The following PDE4D variants were observed in gnomAD, a reference collection of about 807,000 sequenced individuals.
PDE4D encodes the protein phosphodiesterase 4D.
Under a neutral mutation model 87.4 loss-of-function variants are expected in PDE4D, and 24 were observed. The ratio of observed to expected loss-of-function variants is 0.27; its 90% CI spans 0.20 to 0.39. The LOEUF is 0.39. Among genes scored for constraint, PDE4D ranks in the 10% least tolerant of loss-of-function variants. The pLI is 1.00. For missense variants in PDE4D, 714 were observed against 1,041.0 expected (o/e 0.69, Z 4.32); for synonymous variants, 384 against 383.2 (o/e 1.00, Z -0.02).
intron 1 of PDE4D, among the ~76,000 whole-genome samples, chr5:59,475,103 C>T (rs1266249206): frequency 6.6e-6 from 1 of 152,034 alleles, no homozygotes; most frequent in Non-Finnish European, 1.5e-5. Context: ...GTGTGGTCTC[C>T]TTCCTAGATA....
intron 1 of PDE4D, among the ~76,000 whole-genome samples, chr5:59,435,964 T>TTGGAGATG (rs1448714417): frequency 8.3e-4 from 126 of 152,302 alleles, no homozygotes; most frequent in African/African-American, 2.9e-3. Context: ...ATTAGAGGTG[T>TTGGAGATG]TGGAGATGTG....
chr5:59,914,123 T>C (rs935810285), intron 3 of PDE4D, among the ~76,000 whole-genome samples: 1 of 152,214 alleles, frequency 6.6e-6, no homozygotes, highest in Admixed American at 6.5e-5. Flanking sequence ...ATATAACTTA[T>C]TTATTTAATA....
chr5:59,380,150 C>A (rs1371321208), intron 1 of PDE4D, among the ~76,000 whole-genome samples: 2 of 152,044 alleles, frequency 1.3e-5, no homozygotes, highest in Non-Finnish European at 2.9e-5. Flanking sequence ...CAGATGACAT[C>A]TGTCAATATA....
chr5:60,330,194 AG>A (rs1757193471), intron 1 of PDE4D, among the ~76,000 whole-genome samples: 1 of 150,280 alleles, frequency 6.7e-6, no homozygotes, highest in African/African-American at 2.5e-5. Flanking sequence ...TTGAAAAAGT[AG>A]TTAATGACTC....
At chr5:60,108,433 C>T (rs10064969) in intron 2 of PDE4D, among the ~76,000 whole-genome samples, 1 of 152,134 alleles carries the variant, frequency 6.6e-6, no homozygotes, top group Non-Finnish European at 1.5e-5. Context: ...GGCCATACTG[C>T]CCAAGGTAAT....
intron 1 of PDE4D, among the ~76,000 whole-genome samples, chr5:60,390,667 A>C (rs1762500826): frequency 6.6e-6 from 1 of 151,694 alleles, no homozygotes; most frequent in Non-Finnish European, 1.5e-5. Context: ...AAAAAACAAG[A>C]ACCACCAGCT....
At chr5:59,950,282 G>A (rs1758158706) in intron 3 of PDE4D, among the ~76,000 whole-genome samples, 1 of 152,084 alleles carries the variant, frequency 6.6e-6, no homozygotes, top group Non-Finnish European at 1.5e-5. Context: ...CCAGTAGCTA[G>A]GTAGTTAGCT....
intron 1 of PDE4D, among the ~76,000 whole-genome samples, chr5:59,787,293 C>G (rs933140486): frequency 6.6e-6 from 1 of 152,196 alleles, no homozygotes; most frequent in African/African-American, 2.4e-5. Context: ...TCTGGAGCTA[C>G]AGAAATTTAG....
rs1189326497 is a variant in PDE4D at position 59,797,805 on chromosome 5, C to CATT, written c.455+95360_455+95362dup. ...CCTAGAAGAGTGCATGGACACTTTTCATTATTATTATTATTATTTACTAGA... is the reference window on the plus strand; with the variant it reads ...CCTAGAAGAGTGCATGGACACTTTTCATTATTATTATTATTATTATTTACTAGA... On this transcript the variant is annotated intron_variant, in intron 1 of 14. Transcript: ENST00000340635. Among the ~76,000 whole-genome samples, 14 of 152,012 alleles carry CATT rather than the reference C, an allele frequency of 9.2e-5. No individual in the cohort carries two copies. In the East Asian group the frequency reaches 1.2e-3, roughly 13 times the overall value.
chr5:59,630,964 A>G (rs1003624239), intron 1 of PDE4D, among the ~76,000 whole-genome samples: 1 of 151,990 alleles, frequency 6.6e-6, no homozygotes, highest in Non-Finnish European at 1.5e-5. Context: ...TATGTCTCAT[A>G]TTTGTGGAAG....
At chr5:60,428,848 T>C (rs1743946247) in intron 1 of PDE4D, among the ~76,000 whole-genome samples, 1 of 152,182 alleles carries the variant, frequency 6.6e-6, no homozygotes, top group Non-Finnish European at 1.5e-5. Flanking sequence ...AATAAGTGAA[T>C]GGCAAAGGAT....
intron 5 of PDE4D, among the ~76,000 whole-genome samples, chr5:59,051,496 T>A (rs969693073): frequency 9.9e-5 from 15 of 152,208 alleles, no homozygotes; most frequent in African/African-American, 3.4e-4. Flanking sequence ...ACTGGGAAGA[T>A]CATTTCAAAC....
chr5:59,969,803 G>A (rs989764019), intron 3 of PDE4D, among the ~76,000 whole-genome samples: 1 of 152,154 alleles, frequency 6.6e-6, no homozygotes, highest in Admixed American at 6.5e-5. Context: ...TTCCCCTTCT[G>A]CCATGATTGT....
intron 1 of PDE4D, among the ~76,000 whole-genome samples, chr5:59,602,220 T>A (rs1827610351): frequency 1.3e-5 from 2 of 151,902 alleles, no homozygotes; most frequent in African/African-American, 2.4e-5. Context: ...AAATTGAACA[T>A]CCTTTCATAA....
At chr5:59,771,427 AAAAG>A (rs1211022004) in intron 1 of PDE4D, among the ~76,000 whole-genome samples, 1 of 122,214 alleles carries the variant, frequency 8.2e-6, no homozygotes, top group African/African-American at 3.0e-5. Flanking sequence ...GAAAGAAAGA[AAAAG>A]AAAAAGAAAG....
intron 5 of PDE4D, among the ~76,000 whole-genome samples, chr5:59,160,807 GT>G (rs1337321231): frequency 2.0e-5 from 3 of 151,874 alleles, no homozygotes; most frequent in Non-Finnish European, 4.4e-5. Context: ...TTTAAAAATA[GT>G]TGTTTTTGGC....
chr5:59,405,939 T>C (rs1791527836), intron 1 of PDE4D, among the ~76,000 whole-genome samples: 1 of 152,176 alleles, frequency 6.6e-6, no homozygotes, highest in South Asian at 2.1e-4. Context: ...TGCTAGTATT[T>C]TGTTGAGGAT....
rs1229376350 is a variant in PDE4D at position 58,971,422 on chromosome 5, A to T, written c.*3242T>A. The stretch of plus-strand genomic sequence containing the variant: ...CCCATCATGGGATGATGTTTTAATA[A>T]GAACAGATAATTTACAATTAACATT... On this transcript the variant is annotated 3_prime_UTR_variant, in exon 15 of 15. Transcript: ENST00000340635. 1 of 152,626 alleles carries T rather than the reference A, an allele frequency of 6.6e-6. No individual in the cohort carries two copies. Among genetic ancestry groups the T allele is most frequent in the Non-Finnish European group, 1.5e-5 (1 of 68,032 alleles). The allele number at this position is 152,626 out of a possible 1,614,324, so 9.5% of individuals were successfully genotyped here. A position where few individuals can be genotyped will look rare whatever the true frequency, so the allele number is the denominator to read the frequency against.
intron 3 of PDE4D, among the ~76,000 whole-genome samples, chr5:59,928,785 GACA>G (rs1220942764): frequency 3.3e-5 from 5 of 150,028 alleles, no homozygotes; most frequent in African/African-American, 1.0e-4. Context: ...TATAACTGTT[GACA>G]GCCCCAAAGT....
Sources: gnomAD v4.1 joint callset for allele counts (sites outside exome capture counted in the v4.1 genomes callset) on GRCh38, gnomAD v4.1.1 for gene constraint, MANE v1.5 for transcripts, NCBI Gene and HGNC (gene_info 2026-07-23, HGNC 2026-07-21) for gene names.